Variants in HEATR5B observed in about 807,000 individuals in gnomAD.
HEATR5B encodes HEAT repeat-containing protein 5B.
In HEATR5B, 156 loss-of-function variants were observed where a neutral mutation model predicts 224.1. The ratio of observed to expected loss-of-function variants is 0.70; its 90% CI spans 0.61 to 0.80. The LOEUF (loss-of-function observed/expected upper bound fraction) is 0.80. Among genes scored for constraint, HEATR5B ranks in the 30% least tolerant of loss-of-function variants. The pLI is 0.00. For synonymous variants in HEATR5B, 1,027 were observed against 893.0 expected (o/e 1.15, Z -2.68); for missense variants, 2,323 against 2,535.5 (o/e 0.92, Z 1.80).
At chr2:36,997,785 G>C (rs948959662) in intron 33 of HEATR5B, among the ~76,000 whole-genome samples, 12 of 151,640 alleles carry the variant, frequency 7.9e-5, no homozygotes, top group Admixed American at 7.2e-4. Flanking sequence ...CTAGGATGGT[G>C]TCGATCTCCT....
Position 37,055,067 on chromosome 2 carries a change from AAAGT to A in HEATR5B, c.2399+1369_2399+1372del, listed in dbSNP as rs1416775530. 12 of 397,362 alleles carry A rather than the reference AAAGT, an allele frequency of 3.0e-5. 1 individual carries two copies. The highest frequency in any genetic ancestry group is 9.6e-5 in the South Asian group (5 of 52,108). The allele number at this position is 397,362 out of a possible 1,614,324, so 24.6% of individuals were successfully genotyped here. A position where few individuals can be genotyped will look rare whatever the true frequency, so the allele number is the denominator to read the frequency against. ...TTTGATGTACTTTAAAAAATTCTTA[AAAGT>A]AAGTAAGTACCTTTTGTGCACTAAG... On this transcript the variant is annotated intron_variant, in intron 16 of 35. Transcript: ENST00000233099.
At chr2:37,000,947 G>A in intron 32 of HEATR5B, 134 bp from the exon 33 acceptor site, 1 of 606,344 alleles carries the variant, frequency 1.6e-6, no homozygotes, top group Non-Finnish European at 2.9e-6. Flanking sequence ...AAAATTTACT[G>A]TATTACTACT....
intron 3 of HEATR5B, 95 bp downstream of exon 3, chr2:37,079,025 C>T (rs1672393914): frequency 2.9e-6 from 2 of 692,974 alleles, no homozygotes; most frequent in African/African-American, 3.6e-5. Flanking sequence ...GCAGGTTCCA[C>T]CCACCTGGGG....
In HEATR5B at chr2:37,002,570, C is replaced by T. The variant is rs767036700; in HGVS notation, c.5053G>A (p.Glu1685Lys). ...YLQEKRNTLNEDDMEKEACTV... is the reference protein window; with the variant it reads ...YLQEKRNTLNKDDMEKEACTV... The stretch of plus-strand genomic sequence containing the variant: ...CAGGCCTCTTTTTCCATATCATCTT[C>T]ATCTGAGGTAAAAGATAATTTGGTG... The change falls in exon 32 of 36, where the codon GAA becomes AAA. Residue 1685 changes from glutamate (E) to lysine (K), a missense_variant and splice_region_variant. By Grantham distance (56) the Glu-to-Lys change is moderately conservative. This residue lies in a region of HEATR5B where 844 missense variants were observed against 812.9 expected (regional missense o/e 1.04). Coordinates refer to ENST00000233099, the MANE Select transcript of HEATR5B (RefSeq NM_019024.3). The T allele has an allele frequency of 1.2e-6, 2 of 1,611,138 alleles. No individual in the cohort carries two copies. The highest frequency in any genetic ancestry group is 2.2e-5 in the South Asian group (2 of 90,836).
intron 35 of HEATR5B, among the ~76,000 whole-genome samples, chr2:36,984,215 A>AAAAAAAAAAAAAATATATAT: frequency 2.6e-5 from 2 of 77,644 alleles, no homozygotes; most frequent in East Asian, 6.2e-4. Context: ...AAAAAAAAAA[A>AAAAAAAAAAAAAATATATAT]ATATATATAT....
chr2:36,986,266 A>G (rs1012891877), intron 35 of HEATR5B, among the ~76,000 whole-genome samples: 2 of 152,232 alleles, frequency 1.3e-5, no homozygotes, highest in Non-Finnish European at 1.5e-5. Context: ...ACTAATTTCA[A>G]CTAAATTTAT....
intron 22 of HEATR5B, among the ~76,000 whole-genome samples, chr2:37,030,227 G>A (rs1316387500): frequency 6.6e-6 from 1 of 152,068 alleles, no homozygotes; most frequent in African/African-American, 2.4e-5. Flanking sequence ...CAGAATAAGG[G>A]GAGGTTTGAA....
chr2:37,005,558 C>T, intron 30 of HEATR5B, 74 bp downstream of exon 30: 1 of 1,386,834 alleles, frequency 7.2e-7, no homozygotes, highest in Non-Finnish European at 1.0e-6. Context: ...GAAAAAAAAT[C>T]CATCCTTTTT....
intron 11 of HEATR5B, among the ~76,000 whole-genome samples, chr2:37,061,040 T>C (rs1486358542): frequency 6.6e-6 from 1 of 152,174 alleles, no homozygotes; most frequent in Non-Finnish European, 1.5e-5. Flanking sequence ...CCCAACTGTA[T>C]TGAGAATGGT....
intron 29 of HEATR5B, among the ~76,000 whole-genome samples, 198 bp downstream of exon 29, chr2:37,006,852 G>C (rs1169799844): frequency 6.6e-6 from 1 of 152,158 alleles, no homozygotes; most frequent in African/African-American, 2.4e-5. Context: ...TGACAGTTAA[G>C]TAGTTTCAGT....
chr2:36,985,648 G>GTTTT (rs1665905889), intron 35 of HEATR5B, among the ~76,000 whole-genome samples: 1 of 111,610 alleles, frequency 9.0e-6, no homozygotes, highest in African/African-American at 3.6e-5. Flanking sequence ...TTTTTTTTCA[G>GTTTT]TAGAGACGGG....
intron 34 of HEATR5B, among the ~76,000 whole-genome samples, chr2:36,989,231 G>A (rs1258370837): frequency 1.3e-5 from 2 of 152,076 alleles, no homozygotes; most frequent in South Asian, 2.1e-4. Context: ...GATTACAGGT[G>A]CGCACCACCA....
At chr2:37,057,721 G>C (rs962127606) in intron 14 of HEATR5B, among the ~76,000 whole-genome samples, 4 of 152,092 alleles carry the variant, frequency 2.6e-5, no homozygotes, top group South Asian at 2.1e-4. Context: ...CTCAAATAGA[G>C]GAAAGAGAGG....
chr2:37,026,554 A>G (rs781488467), intron 24 of HEATR5B, among the ~76,000 whole-genome samples: 10 of 152,186 alleles, frequency 6.6e-5, no homozygotes, highest in Admixed American at 1.3e-4. Context: ...CTAACATACT[A>G]CTACTGGGAC....
intron 33 of HEATR5B, among the ~76,000 whole-genome samples, chr2:36,993,253 C>T (rs1006457872): frequency 6.6e-6 from 1 of 151,902 alleles, no homozygotes; most frequent in Admixed American, 6.6e-5. Flanking sequence ...AATTATGGGC[C>T]GGGTGCAGTG....
Position 37,057,429 on chromosome 2 carries a change from T to C in HEATR5B, c.2111A>G (p.Asp704Gly), listed in dbSNP as rs112472690. The C allele has an allele frequency of 6.2e-7, 1 of 1,611,514 alleles. No individual in the cohort carries two copies. Among genetic ancestry groups the C allele is most frequent in the Non-Finnish European group, 8.5e-7 (1 of 1,178,884 alleles). The change falls in exon 15 of 36, where the codon GAC (aspartate) becomes GGC (glycine). Residue 704 changes from aspartate (D) to glycine (G), a missense_variant. This residue lies in a region of HEATR5B where 502 missense variants were observed against 517.8 expected (regional missense o/e 0.97). Coordinates refer to ENST00000233099, the MANE Select transcript of HEATR5B (RefSeq NM_019024.3). ...GGAAGTAGTTGTGTTGGCTGAGTTG[T>C]CAGTCAAAGTGAATTCCGCTACCAG... is the stretch of plus-strand genomic sequence containing the variant. ...RELVAEFTLT[D>G]NSANTTTSLL...
At position 37,068,850 on chromosome 2, in the gene HEATR5B, A is replaced by T. The variant is rs1437815702; in HGVS notation, c.1008T>A (p.Asp336Glu). 1 of 1,614,188 alleles carries T rather than the reference A, an allele frequency of 6.2e-7. No individual in the cohort carries two copies. The highest frequency in any genetic ancestry group is 8.5e-7 in the Non-Finnish European group (1 of 1,180,026). ...SFATFLSHVL[D>E]LVSHPRATQT... ...GTGTTGCCCGAGGATGGGAAACCAG[A>T]TCAAGTACATGGGACAGGAACGTGG... is the stretch of plus-strand genomic sequence containing the variant. Residue 336 changes from aspartate (D) to glutamate (E), a missense_variant, in exon 8 of 36, where the codon GAT (aspartate) becomes GAA (glutamate). Asp to Glu is a conservative substitution (Grantham distance 45). Coordinates refer to ENST00000233099, the MANE Select transcript of HEATR5B (RefSeq NM_019024.3).
At chr2:37,004,671 T>C (rs1457924132) in intron 30 of HEATR5B, among the ~76,000 whole-genome samples, 2 of 152,108 alleles carry the variant, frequency 1.3e-5, no homozygotes, top group African/African-American at 4.8e-5. Context: ...ATTCTTTCTT[T>C]TGAGACTCTG....
chr2:37,053,576 C>A lies in HEATR5B; in HGVS notation c.2431G>T (p.Val811Phe), dbSNP rs756303456. ...TGGCGGACACCTTTAGCTTGTTTAA[C>A]ACATTCAGCAAAGTGATCCAACATT... ...LQMLDHFAEC[V>F]KQAKGVRQQA... Residue 811 changes from valine (V) to phenylalanine (F), a missense_variant, in exon 17 of 36, where the codon GTT (valine) becomes TTT (phenylalanine). Transcript: ENST00000233099. 6.2e-7 allele frequency: 1 copy of A among 1,605,936 alleles called. No individual in the cohort carries two copies. Among genetic ancestry groups the A allele is most frequent in the Non-Finnish European group, 8.5e-7 (1 of 1,174,234 alleles).
Sources: gnomAD v4.1 joint callset for allele counts (sites outside exome capture counted in the v4.1 genomes callset) on GRCh38, gnomAD v4.1.1 for gene constraint, gnomAD v4.1.1 regional missense constraint, MANE v1.5 for transcripts, NCBI Gene and HGNC (gene_info 2026-07-23, HGNC 2026-07-21) for gene names.